CNOT10: variants seen among roughly 807,000 people sequenced by gnomAD.
CNOT10 encodes the protein CCR4-NOT transcription complex, subunit 10.
Under a neutral mutation model 94.6 loss-of-function variants are expected in CNOT10, and 30 were observed. The ratio of observed to expected loss-of-function variants is 0.32; its 90% confidence interval spans 0.24 to 0.43. The LOEUF is 0.43. CNOT10 is among the 20% of genes least tolerant of loss of function. The pLI, the probability that CNOT10 is intolerant of heterozygous loss-of-function variation, is 1.00. For missense variants in CNOT10, 759 were observed against 877.2 expected (o/e 0.87, Z 1.70); for synonymous variants, 289 against 301.6 (o/e 0.96, Z 0.43).
intron 1 of CNOT10, among the ~76,000 whole-genome samples, chr3:32,694,868 T>C (rs1236966386): frequency 6.6e-6 from 1 of 151,950 alleles, no homozygotes; most frequent in East Asian, 1.9e-4. Context: ...AGATTATAGG[T>C]GTGAGTCACC....
intron 1 of CNOT10, chr3:32,695,874 A>G (rs887507496): frequency 1.5e-5 from 21 of 1,431,686 alleles, no homozygotes; most frequent in Admixed American, 4.5e-5. Flanking sequence ...AAAACATTAA[A>G]AAAACTGATT....
intron 1 of CNOT10, among the ~76,000 whole-genome samples, chr3:32,698,670 GCT>G (rs1697189599): frequency 6.6e-6 from 1 of 152,134 alleles, no homozygotes; most frequent in African/African-American, 2.4e-5. Context: ...TAAGACTTGT[GCT>G]CTTTTAATTA....
chr3:32,761,296 C>T (rs1433490889), intron 14 of CNOT10, among the ~76,000 whole-genome samples: 4 of 152,154 alleles, frequency 2.6e-5, no homozygotes, highest in South Asian at 2.1e-4. Flanking sequence ...AAGTACCTTC[C>T]GTCCTTATCA....
At chr3:32,707,870 A>G (rs1033450458) in intron 3 of CNOT10, among the ~76,000 whole-genome samples, 3 of 152,124 alleles carry the variant, frequency 2.0e-5, no homozygotes, top group Non-Finnish European at 4.4e-5. Context: ...CAAGTCTGGC[A>G]CATGGTAAAT....
chr3:32,724,614 A>G (rs758920328), intron 8 of CNOT10, among the ~76,000 whole-genome samples: 2 of 152,068 alleles, frequency 1.3e-5, no homozygotes, highest in Admixed American at 6.5e-5. Flanking sequence ...GGGTTTCACC[A>G]TGTTAGCGAG....
Position 32,773,450 on chromosome 3 carries a change from T to C in CNOT10, c.2081-7T>C, listed in dbSNP as rs1700997390. 2 of 1,606,492 alleles carry C rather than the reference T, an allele frequency of 1.2e-6. No individual in the cohort carries two copies. Among genetic ancestry groups the C allele is most frequent in the Non-Finnish European group, 1.7e-6 (2 of 1,176,644 alleles). ...GCTTTGTTTTTTAACGGGAAGTGTT[T>C]TTATAGGTAATACTCAGCTGGCCTT... On this transcript the variant is annotated splice_polypyrimidine_tract_variant and splice_region_variant and intron_variant, in intron 18 of 18. Transcript: ENST00000328834.
intron 13 of CNOT10, among the ~76,000 whole-genome samples, chr3:32,758,763 G>A (rs1476759348): frequency 1.3e-5 from 2 of 152,196 alleles, no homozygotes; most frequent in African/African-American, 4.8e-5. Flanking sequence ...TGTCTGTGAA[G>A]TAGAAAACCA....
intron 17 of CNOT10, 108 bp from the exon 18 acceptor site, chr3:32,769,779 T>C (rs542838731): frequency 1.7e-5 from 14 of 833,792 alleles, no homozygotes; most frequent in South Asian, 1.4e-4. Context: ...GGAAGTCACG[T>C]GGGAATGAGC....
In CNOT10 at chr3:32,704,902, C is replaced by G; in HGVS notation, c.209C>G (p.Ala70Gly). 6.4e-7 allele frequency: 1 copy of G among 1,567,504 alleles called. No individual in the cohort carries two copies. The highest frequency in any genetic ancestry group is 8.6e-7 in the Non-Finnish European group (1 of 1,165,698). The change falls in exon 3 of 19, where the codon GCT becomes GGT. Residue 70 changes from alanine to glycine, a missense_variant. Ala to Gly is a moderately conservative substitution (Grantham distance 60, BLOSUM62 0). This residue lies in a region of CNOT10 where 682 missense variants were observed against 799.4 expected (regional missense o/e 0.85). Transcript: ENST00000328834. Reference sequence around the variant, plus strand: ...AAAATAATTTTGAATACAGCAGTAGCTGAGTTTTTTAAAAGTAACCAAACA... The same window carrying G: ...AAAATAATTTTGAATACAGCAGTAGGTGAGTTTTTTAAAAGTAACCAAACA... ...DYKIILNTAV[A>G]EFFKSNQTTT...
At chr3:32,749,831 A>G (rs1039698311) in intron 13 of CNOT10, among the ~76,000 whole-genome samples, 7 of 152,122 alleles carry the variant, frequency 4.6e-5, no homozygotes, top group African/African-American at 1.4e-4. Context: ...AATTTCACAC[A>G]TCACCACTAA....
chr3:32,742,541 C>G (rs1699520371), intron 13 of CNOT10, among the ~76,000 whole-genome samples: 1 of 152,084 alleles, frequency 6.6e-6, no homozygotes, highest in African/African-American at 2.4e-5. Flanking sequence ...GCCACCACAC[C>G]CGGCTAATTT....
rs898747797 is a variant in CNOT10, at chr3:32,772,335, C to T, written c.2081-1122C>T. ...CTGCACTCCAGTCTGAACGACAGAG[C>T]GAGACTCCGTCTCAAAAAAAAAAAG... is the stretch of plus-strand genomic sequence containing the variant. On this transcript the variant is annotated intron_variant, in intron 18 of 18. Transcript: ENST00000328834. Among the ~76,000 whole-genome samples the T allele has an allele frequency of 3.3e-5, 5 of 150,908 alleles. No homozygotes were observed. In the East Asian group the frequency reaches 5.9e-4, roughly 18 times the overall value.
chr3:32,764,969 TC>T, intron 17 of CNOT10, 160 bp downstream of exon 17: 2 of 1,516,864 alleles, frequency 1.3e-6, no homozygotes, highest in African/African-American at 2.8e-5. Flanking sequence ...AAACAACTAA[TC>T]AGCATTGTAA....
At chr3:32,720,851 C>G (rs532737788) in intron 8 of CNOT10, among the ~76,000 whole-genome samples, 1 of 133,848 alleles carries the variant, frequency 7.5e-6, no homozygotes, top group African/African-American at 2.7e-5. Context: ...CTCCCTTCCT[C>G]CCTTCCTCCC....
At chr3:32,727,934 A>T (rs1698754921) in intron 10 of CNOT10, 64 bp downstream of exon 10, 11 of 247,234 alleles carry the variant, frequency 4.4e-5, no homozygotes, top group South Asian at 9.1e-5. Flanking sequence ...TGGAATGGTT[A>T]AAAAAAAAAA....
intron 13 of CNOT10, among the ~76,000 whole-genome samples, chr3:32,754,243 T>C (rs772758845): frequency 2.0e-5 from 3 of 151,464 alleles, no homozygotes; most frequent in East Asian, 2.0e-4. Flanking sequence ...TTTGGGAGGC[T>C]GAGGTGGGAG....
At chr3:32,708,969 T>G (rs1288408316) in intron 4 of CNOT10, 149 bp downstream of exon 4, 1 of 586,094 alleles carries the variant, frequency 1.7e-6, no homozygotes, top group Non-Finnish European at 2.8e-6. Context: ...TTAGAAAAGA[T>G]AAAAATGTAA....
rs940158443 is a variant in CNOT10, at chr3:32,710,598, C to T, written c.430+1778C>T. 7.2e-5 allele frequency among the ~76,000 whole-genome samples: 11 copies of T among 152,228 alleles called. No individual in the cohort carries two copies. In the Middle Eastern group the frequency reaches 0.014, roughly 188 times the overall value. ...ATCATACAGAGTATTTTTCACTGCC[C>T]TAAGAATTCTGTGTTGTGCCTGTTC... is the stretch of plus-strand genomic sequence containing the variant. On this transcript the variant is annotated intron_variant, in intron 4 of 18. Transcript: ENST00000328834.
rs66705516 is a variant in CNOT10, at chr3:32,755,757, C to CT, written c.1596-3687dup. ...ATGTTTACTCCTTTCTTTTCCTTTC[C>CT]TTTTTTTTTTTTTTCTTCTTTTTTT... On this transcript the variant is annotated intron_variant, in intron 13 of 18. Coordinates refer to ENST00000328834, the MANE Select transcript of CNOT10 (RefSeq NM_015442.3). Among the ~76,000 whole-genome samples the CT allele has an allele frequency of 6.7e-3, 950 of 141,224 alleles. 3 individuals are homozygous for CT. Among genetic ancestry groups the CT allele is most frequent in the Middle Eastern group, 0.014 (4 of 276 alleles). 92.6% of individuals were successfully genotyped at this position (141,224 alleles called of 152,430 possible).
Sources: gnomAD v4.1 joint callset for allele counts (sites outside exome capture counted in the v4.1 genomes callset) on GRCh38, gnomAD v4.1.1 for gene constraint, gnomAD v4.1.1 regional missense constraint, MANE v1.5 for transcripts, NCBI Gene and HGNC (gene_info 2026-07-23, HGNC 2026-07-21) for gene names.